The following ATP13A5 variants were observed in gnomAD, a reference collection of about 807,000 sequenced individuals.
The protein encoded by ATP13A5 is probable cation-transporting ATPase 13A5.
A neutral mutation model predicts 150.2 loss-of-function variants in ATP13A5; 149 were observed. That is an observed-to-expected ratio of 0.99 (90% CI 0.87 to 1.14). ATP13A5 has a LOEUF of 1.14. Ranked by LOEUF, ATP13A5 falls within the 50% of genes most tolerant of loss-of-function variation. ATP13A5 has a pLI of 0.00. For synonymous variants in ATP13A5, 497 were observed against 522.2 expected (o/e 0.95, Z 0.66); for missense variants, 1,383 against 1,449.3 (o/e 0.95, Z 0.74).
chr3:193,315,165 C>A, intron 17 of ATP13A5, 69 bp from the exon 18 acceptor site: 4 of 1,437,892 alleles, frequency 2.8e-6, no homozygotes, highest in African/African-American at 1.4e-5. Flanking sequence ...TTTATTTCTT[C>A]TTTTAAAAAT....
chr3:193,347,398 C>T (rs1712384164), intron 7 of ATP13A5, among the ~76,000 whole-genome samples: 1 of 152,094 alleles, frequency 6.6e-6, no homozygotes, highest in African/African-American at 2.4e-5. Context: ...CCATCATTTA[C>T]TTACTAGGTA....
intron 1 of ATP13A5, among the ~76,000 whole-genome samples, chr3:193,366,329 A>C (rs1713235713): frequency 6.6e-6 from 1 of 152,026 alleles, no homozygotes; most frequent in Admixed American, 6.6e-5. Flanking sequence ...ATAATAAAAG[A>C]CCTATCGTAT....
intron 5 of ATP13A5, among the ~76,000 whole-genome samples, chr3:193,358,492 A>T (rs1712877744): frequency 6.6e-6 from 1 of 152,230 alleles, no homozygotes; most frequent in South Asian, 2.1e-4. Context: ...TATTTTGAGA[A>T]ATTGCTTTAT....
At chr3:193,314,003 C>T (rs767288612) in intron 19 of ATP13A5, 30 bp downstream of exon 19, 2 of 1,610,390 alleles carry the variant, frequency 1.2e-6, no homozygotes, top group South Asian at 2.2e-5. Context: ...CAGTCTAGGC[C>T]CACGGAGGGG....
chr3:193,364,216 G>A lies in ATP13A5; in HGVS notation c.128C>T (p.Thr43Ile), dbSNP rs781565123. The change falls in exon 2 of 30, where the codon ACC becomes ATC. Residue 43 changes from threonine (T) to isoleucine (I), a missense_variant. By Grantham distance (89) the Thr-to-Ile change is moderately conservative. Transcript: ENST00000342358. Reference sequence around the variant, plus strand: ...GAACACCAGCAGAAGGCCCCCACAGGTCAGCACGGATGCGACAAGGCAGAA... The same window carrying A: ...GAACACCAGCAGAAGGCCCCCACAGATCAGCACGGATGCGACAAGGCAGAA... ...KAFCLVASVL[T>I]CGGLLLVFYW... 9.9e-6 allele frequency: 16 copies of A among 1,614,004 alleles called. No homozygotes were observed. Among genetic ancestry groups the A allele is most frequent in the Non-Finnish European group, 1.4e-5 (16 of 1,179,988 alleles).
chr3:193,275,024 G>A lies in ATP13A5; in HGVS notation c.*18C>T. 6.2e-7 allele frequency: 1 copy of A among 1,613,522 alleles called. No homozygotes were observed. Among genetic ancestry groups the A allele is most frequent in the Non-Finnish European group, 8.5e-7 (1 of 1,179,654 alleles). ...GGAAAAAAGCAATGCTGTTGAGCAT[G>A]TACGACGACAATTCTGATTACAGCC... On this transcript the variant is annotated 3_prime_UTR_variant, in exon 30 of 30. Transcript: ENST00000342358.
At chr3:193,305,794 T>G in intron 22 of ATP13A5, 126 bp from the exon 23 acceptor site, 1 of 755,754 alleles carries the variant, frequency 1.3e-6, no homozygotes, top group Non-Finnish European at 2.1e-6. Flanking sequence ...TGGGTCTCTG[T>G]TTAATGCTGT....
intron 5 of ATP13A5, among the ~76,000 whole-genome samples, chr3:193,360,779 C>G (rs1283884853): frequency 3.3e-5 from 5 of 152,114 alleles, no homozygotes; most frequent in Non-Finnish European, 7.3e-5. Context: ...CGGGTCCAAG[C>G]AATTCTCCTG....
intron 21 of ATP13A5, 107 bp from the exon 22 acceptor site, chr3:193,307,476 TC>T: frequency 2.3e-6 from 3 of 1,314,508 alleles, no homozygotes; most frequent in Admixed American, 3.8e-5. Flanking sequence ...TATGTGTGTG[TC>T]CCCTGAACAC....
chr3:193,311,984 G>C, intron 19 of ATP13A5, 43 bp from the exon 20 acceptor site: 1 of 1,602,002 alleles, frequency 6.2e-7, no homozygotes, highest in Non-Finnish European at 8.5e-7. Context: ...CTCCTAAGGA[G>C]TGTCTCTGCT....
chr3:193,373,654 T>C (rs899679654), intron 1 of ATP13A5, among the ~76,000 whole-genome samples: 1 of 152,302 alleles, frequency 6.6e-6, no homozygotes, highest in South Asian at 2.1e-4. Flanking sequence ...CACTTATTTT[T>C]CATAGCCCTT....
At chr3:193,297,803 A>G (rs1718233227) in intron 25 of ATP13A5, among the ~76,000 whole-genome samples, 1 of 152,054 alleles carries the variant, frequency 6.6e-6, no homozygotes, top group Non-Finnish European at 1.5e-5. Context: ...AACTAATATC[A>G]TGGAATTAAG....
Position 193,311,827 on chromosome 3 carries a change from AGCTGTTGAAAT to A in ATP13A5, c.2423_2433del (p.His808LeufsTer25). 6.2e-7 allele frequency: 1 copy of A among 1,613,836 alleles called. No homozygotes were observed. Among genetic ancestry groups the A allele is most frequent in the Non-Finnish European group, 8.5e-7 (1 of 1,179,836 alleles). On this transcript the variant is annotated frameshift_variant, in exon 20 of 30. Transcript: ENST00000342358. LOFTEE classifies it high-confidence loss of function. ...TCTTCAGTACTTACTTTTGGAAGCA[AGCTGTTGAAAT>A]GCTGAAATATCACTTGGTATGATTT...
intron 26 of ATP13A5, among the ~76,000 whole-genome samples, chr3:193,286,767 C>A (rs1717740044): frequency 6.6e-6 from 1 of 152,052 alleles, no homozygotes; most frequent in East Asian, 1.9e-4. Flanking sequence ...AAGGAAGAGT[C>A]ACGTGTCTCT....
At chr3:193,291,570 A>G (rs1268006065) in intron 25 of ATP13A5, among the ~76,000 whole-genome samples, 1 of 152,088 alleles carries the variant, frequency 6.6e-6, no homozygotes, top group Non-Finnish European at 1.5e-5. Context: ...ATCTGTGATT[A>G]GAGGGTTGGA....
At chr3:193,366,332 T>C (rs945820481) in intron 1 of ATP13A5, among the ~76,000 whole-genome samples, 5 of 152,004 alleles carry the variant, frequency 3.3e-5, no homozygotes, top group African/African-American at 1.2e-4. Flanking sequence ...ATAAAAGACC[T>C]ATCGTATACT....
At chr3:193,316,605 G>A (rs144632556) in intron 17 of ATP13A5, among the ~76,000 whole-genome samples, 1 of 152,022 alleles carries the variant, frequency 6.6e-6, no homozygotes, top group Non-Finnish European at 1.5e-5. Context: ...ATATCTGTTG[G>A]TCATTTGTAC....
At chr3:193,325,197 C>T (rs1419672167) in intron 13 of ATP13A5, among the ~76,000 whole-genome samples, 183 bp from the exon 14 acceptor site, 3 of 152,170 alleles carry the variant, frequency 2.0e-5, no homozygotes, top group South Asian at 2.1e-4. Context: ...TTGTCCACTT[C>T]GGATCTACCT....
At chr3:193,302,561 A>G (rs190736829) in intron 23 of ATP13A5, among the ~76,000 whole-genome samples, 149 of 152,314 alleles carry the variant, frequency 9.8e-4, no homozygotes, top group African/African-American at 3.4e-3. Context: ...ATTCCTAATG[A>G]TTGTGAATTT....
Sources: allele counts gnomAD v4.1 joint callset (sites outside exome capture counted in the v4.1 genomes callset), GRCh38; gene constraint gnomAD v4.1.1; transcripts MANE v1.5; gene names NCBI Gene and HGNC (gene_info 2026-07-23, HGNC 2026-07-21).